DCAF12: variants seen among roughly 807,000 people sequenced by gnomAD.
The protein encoded by DCAF12 is DDB1- and CUL4-associated factor 12.
A neutral mutation model predicts 52.8 loss-of-function variants in DCAF12; 28 were observed. That is an observed-to-expected ratio of 0.53 (90% CI 0.39 to 0.73). The LOEUF is 0.73. Among genes scored for constraint, DCAF12 ranks in the 30% least tolerant of loss-of-function variants. The pLI is 0.00. For missense variants in DCAF12, 425 were observed against 552.2 expected (o/e 0.77, Z 2.31); for synonymous variants, 196 against 215.5 (o/e 0.91, Z 0.79).
intron 2 of DCAF12, among the ~76,000 whole-genome samples, chr9:34,115,584 C>T (rs377401755): frequency 1.4e-5 from 2 of 145,300 alleles, no homozygotes; most frequent in Admixed American, 1.4e-4. Flanking sequence ...GGCGACAGAG[C>T]AAGACTTCGT....
chr9:34,088,618 A>G, intron 8 of DCAF12, 110 bp from the exon 9 acceptor site: 1 of 1,209,480 alleles, frequency 8.3e-7, no homozygotes, highest in South Asian at 1.3e-5. Flanking sequence ...AGGGTTCTAC[A>G]GGTACAACCT....
In DCAF12 at chr9:34,106,626, C is replaced by T. The variant is rs969016040; in HGVS notation, c.541-132G>A. On this transcript the variant is annotated intron_variant, in intron 3 of 8. Coordinates refer to ENST00000361264, the MANE Select transcript of DCAF12 (RefSeq NM_015397.4). ...TTTGTAGAAATTACAACTCTGATCT[C>T]TGGTGGTCTCAACCCACAGAGAATG... 7 of 680,526 alleles carry T rather than the reference C, an allele frequency of 1.0e-5. No individual in the cohort carries two copies. The African/African-American group carries it at 1.1e-4, about 10-fold the overall frequency. The allele number at this position is 680,526 out of a possible 1,614,324, so 42.2% of individuals were successfully genotyped here.
At chr9:34,121,763 T>A (rs900109704) in intron 2 of DCAF12, among the ~76,000 whole-genome samples, 1 of 152,000 alleles carries the variant, frequency 6.6e-6, no homozygotes, top group Non-Finnish European at 1.5e-5. Flanking sequence ...GCCAACACGG[T>A]GAAACCCTAT....
intron 8 of DCAF12, among the ~76,000 whole-genome samples, chr9:34,089,006 G>C (rs746280318): frequency 6.6e-6 from 1 of 151,724 alleles, no homozygotes; most frequent in African/African-American, 2.4e-5. Flanking sequence ...CTACTTGGGA[G>C]GCTGAGGCAG....
chr9:34,125,553 C>T, intron 1 of DCAF12: 1 of 551,164 alleles, frequency 1.8e-6, no homozygotes, highest in African/African-American at 1.9e-5. Context: ...GTTTACTAGA[C>T]ATTTTAGGAG....
chr9:34,123,017 A>T (rs1404278143), intron 2 of DCAF12, among the ~76,000 whole-genome samples: 1 of 152,236 alleles, frequency 6.6e-6, no homozygotes, highest in African/African-American at 2.4e-5. Context: ...AATTAAGGTT[A>T]TACCACCTCT....
intron 4 of DCAF12, 109 bp from the exon 5 acceptor site, chr9:34,098,626 T>C: frequency 8.2e-7 from 1 of 1,219,008 alleles, no homozygotes; most frequent in Non-Finnish European, 1.1e-6. Flanking sequence ...ATCATCCTCA[T>C]ATGTGCTGAA....
intron 7 of DCAF12, among the ~76,000 whole-genome samples, chr9:34,090,486 C>T (rs1176125294): frequency 6.6e-6 from 1 of 152,190 alleles, no homozygotes; most frequent in Non-Finnish European, 1.5e-5. Context: ...AACACATCTG[C>T]TGTACTTGGG....
At chr9:34,122,816 C>T (rs565447799) in intron 2 of DCAF12, among the ~76,000 whole-genome samples, 5 of 152,320 alleles carry the variant, frequency 3.3e-5, no homozygotes, top group Middle Eastern at 3.4e-3. Context: ...AATTCCTACA[C>T]GGCAACAGTT....
In DCAF12 at chr9:34,125,375, G is replaced by A. The variant is rs28364824; in HGVS notation, c.79-98C>T. 9 of 1,368,350 alleles carry A rather than the reference G, an allele frequency of 6.6e-6. No individual in the cohort carries two copies. In the East Asian group the frequency reaches 2.1e-4, roughly 32 times the overall value. 84.8% of individuals were successfully genotyped at this position (1,368,350 alleles called of 1,614,324 possible). ...TCACCAACTCATAACTCATACTGCA[G>A]AATTTACAAACAACACAAATACAAA... On this transcript the variant is annotated intron_variant, in intron 1 of 8. Transcript: ENST00000361264.
chr9:34,125,431 G>T, intron 1 of DCAF12, 154 bp from the exon 2 acceptor site: 1 of 887,464 alleles, frequency 1.1e-6, no homozygotes, highest in Non-Finnish European at 1.7e-6. Context: ...AATCCAGAAA[G>T]TCGTTTAACT....
chr9:34,109,037 A>G (rs2131436233), intron 2 of DCAF12: 1 of 147,102 alleles, frequency 6.8e-6, no homozygotes, highest in South Asian at 2.1e-4. Context: ...AAATGGTTTC[A>G]TTGGAGTGTC....
intron 2 of DCAF12, among the ~76,000 whole-genome samples, chr9:34,119,253 A>T (rs1829135442): frequency 6.6e-6 from 1 of 152,224 alleles, no homozygotes; most frequent in African/African-American, 2.4e-5. Context: ...CTGAAATAAC[A>T]GTTTTAAAAG....
At chr9:34,124,805 A>G (rs1829221925) in intron 2 of DCAF12, among the ~76,000 whole-genome samples, 1 of 152,248 alleles carries the variant, frequency 6.6e-6, no homozygotes, top group Non-Finnish European at 1.5e-5. Context: ...AGAGGGCCTG[A>G]AGAAATACAC....
At chr9:34,123,594 TGAG>T (rs1212379470) in intron 2 of DCAF12, among the ~76,000 whole-genome samples, 1 of 152,100 alleles carries the variant, frequency 6.6e-6, no homozygotes, top group Non-Finnish European at 1.5e-5. Context: ...CACTAGGTTA[TGAG>T]GATTAGGAAG....
intron 4 of DCAF12, among the ~76,000 whole-genome samples, chr9:34,105,645 CAA>C: frequency 6.6e-6 from 1 of 151,676 alleles, no homozygotes; most frequent in East Asian, 1.9e-4. Flanking sequence ...GACACTGTCT[CAA>C]AAAGAAAACG....
In DCAF12 at chr9:34,126,532, AG is replaced by A; in HGVS notation, c.-102del. 2.3e-6 allele frequency: 3 copies of A among 1,324,208 alleles called. No homozygotes were observed. Among genetic ancestry groups the A allele is most frequent in the Non-Finnish European group, 3.0e-6 (3 of 993,290 alleles). The allele number at this position is 1,324,208 out of a possible 1,614,324, so 82.0% of individuals were successfully genotyped here. Reference sequence around the variant, plus strand: ...ACTGGGCCCCGGGGCCGCGCACCTTAGTGCGCCCGGCCCGGAAAATGGCCCG... The same window carrying A: ...ACTGGGCCCCGGGGCCGCGCACCTTATGCGCCCGGCCCGGAAAATGGCCCG... On this transcript the variant is annotated 5_prime_UTR_variant, in exon 1 of 9. Transcript: ENST00000361264.
chr9:34,121,969 A>T (rs1829181626), intron 2 of DCAF12, among the ~76,000 whole-genome samples: 1 of 151,986 alleles, frequency 6.6e-6, no homozygotes, highest in African/African-American at 2.4e-5. Flanking sequence ...AAACAAACAA[A>T]AATAAAGTCC....
rs77082829 is a variant in DCAF12 at position 34,094,868 on chromosome 9, T to C, written c.862-1420A>G. 4.6e-3 allele frequency among the ~76,000 whole-genome samples: 706 copies of C among 152,212 alleles called. 10 individuals are homozygous for C. Among genetic ancestry groups the C allele is most frequent in the East Asian group, 0.042 (217 of 5,170 alleles). On this transcript the variant is annotated intron_variant, in intron 6 of 8. Transcript: ENST00000361264. ...ATCTACATATATGTAAGGAGCTATC[T>C]TGGGGATGGCACCCAAGTCTAACCA... is the stretch of plus-strand genomic sequence containing the variant.
Sources: allele counts gnomAD v4.1 joint callset (sites outside exome capture counted in the v4.1 genomes callset), GRCh38; gene constraint gnomAD v4.1.1; transcripts MANE v1.5; gene names NCBI Gene and HGNC (gene_info 2026-07-23, HGNC 2026-07-21).